Variants in PRDM16 observed in about 807,000 individuals in gnomAD.
PRDM16 encodes histone-lysine N-methyltransferase PRDM16.
PRDM16 carries 23 observed loss-of-function variants against 110.6 expected under a neutral mutation model. The observed-to-expected ratio is 0.21, with a 90% CI of 0.15 to 0.29. The LOEUF is 0.29. Ranked by LOEUF, PRDM16 falls within the 10% of genes least tolerant of loss-of-function variation. The pLI is 1.00. For missense variants in PRDM16, 1,615 were observed against 1,794.3 expected, an observed-to-expected ratio of 0.90 and a Z score of 1.81; for synonymous variants, 799 against 781.8, an observed-to-expected ratio of 1.02 and a Z score of -0.37.
chr1:3,200,346 T>C (rs894976835), intron 2 of PRDM16, among the ~76,000 whole-genome samples: 1 of 152,072 alleles, frequency 6.6e-6, no homozygotes, highest in African/African-American at 2.4e-5. Flanking sequence ...ATTTTTTTTT[T>C]ATTTTTTATT....
chr1:3,359,348 G>A lies in PRDM16; in HGVS notation c.439-25804G>A, dbSNP rs1368794910. Among the ~76,000 whole-genome samples the A allele has an allele frequency of 6.6e-6, 1 of 152,214 alleles. No homozygotes were observed. The highest frequency in any genetic ancestry group is 1.5e-5 in the Non-Finnish European group (1 of 68,040). ...CTGGATGTCAATGTCCATGAAAACA[G>A]CCTCAGAACTATCAGGGTCTCCCTT... On this transcript the variant is annotated intron_variant, in intron 3 of 16. Transcript: ENST00000270722. This position sits in a 1 kb window ranked among gnomAD's most constrained non-coding sequence, Gnocchi z 4.3.
intron 1 of PRDM16, among the ~76,000 whole-genome samples, chr1:3,125,137 G>A (rs904555772): frequency 2.0e-5 from 3 of 152,270 alleles, no homozygotes; most frequent in Non-Finnish European, 4.4e-5. Context: ...CTAAGGCACA[G>A]TCACCAGCCA....
At chr1:3,104,889 G>A (rs1199081676) in intron 1 of PRDM16, among the ~76,000 whole-genome samples, 1 of 152,180 alleles carries the variant, frequency 6.6e-6, no homozygotes, top group Non-Finnish European at 1.5e-5. Context: ...CTGAACACAT[G>A]CATGAGAGGT....
chr1:3,417,907 C>T lies in PRDM16; in HGVS notation c.2771C>T (p.Pro924Leu). ...MKADSGSSLQ[P>L]LPHHPFNFRS... ...GCGGACTCGGGCAGCTCCCTGCAGC[C>T]CCTCCCCCACCACCCCTTCAACTTC... is the stretch of plus-strand genomic sequence containing the variant. The change falls in exon 11 of 17, where the codon CCC becomes CTC. Residue 924 changes from proline (P) to leucine (L), a missense_variant. Pro to Leu is a moderately conservative substitution (Grantham distance 98, BLOSUM62 -3). This residue lies in a region of PRDM16 where 772 missense variants were observed against 748.3 expected (regional missense o/e 1.03). Coordinates refer to ENST00000270722, the MANE Select transcript of PRDM16 (RefSeq NM_022114.4). 2 of 1,612,650 alleles carry T rather than the reference C, an allele frequency of 1.2e-6. No homozygotes were observed. The highest frequency in any genetic ancestry group is 1.7e-6 in the Non-Finnish European group (2 of 1,179,054).
At chr1:3,313,485 C>G (rs1044127317) in intron 3 of PRDM16, among the ~76,000 whole-genome samples, 3 of 152,222 alleles carry the variant, frequency 2.0e-5, no homozygotes, top group African/African-American at 7.2e-5. Flanking sequence ...CGTCCCCACC[C>G]CCACAGGCAT....
At chr1:3,400,971 A>AGG (rs1557653573) in intron 5 of PRDM16, among the ~76,000 whole-genome samples, 2 of 152,078 alleles carry the variant, frequency 1.3e-5, no homozygotes, top group Non-Finnish European at 2.9e-5. Context: ...TTGGTTGGCA[A>AGG]GGGGTGGGTG....
chr1:3,075,870 A>G (rs1641886868), intron 1 of PRDM16, among the ~76,000 whole-genome samples: 1 of 152,188 alleles, frequency 6.6e-6, no homozygotes, highest in South Asian at 2.1e-4. Context: ...CTCATCTGCG[A>G]TCCACCTCGG....
At chr1:3,347,966 T>G (rs1239828014) in intron 3 of PRDM16, among the ~76,000 whole-genome samples, 1 of 151,434 alleles carries the variant, frequency 6.6e-6, no homozygotes, top group East Asian at 2.0e-4. Flanking sequence ...CTGAGTTCCG[T>G]GAGCCTCTGG....
rs1643720421 is a variant in PRDM16, at chr1:3,148,581, C to G, written c.38-37544C>G. Among the ~76,000 whole-genome samples the G allele has an allele frequency of 6.6e-6, 1 of 152,210 alleles. No individual in the cohort carries two copies. Among genetic ancestry groups the G allele is most frequent in the African/African-American group, 2.4e-5 (1 of 41,456 alleles). ...CAGGATTTTACAATCCAGGAGATGT[C>G]AACTCCTTGCTGGGACCTCCTTGAC... On this transcript the variant is annotated intron_variant, in intron 1 of 16. Transcript: ENST00000270722. The surrounding 1 kb of genome is among the most constrained non-coding windows in gnomAD (Gnocchi z 5.0).
chr1:3,426,329 A>G, intron 14 of PRDM16, 104 bp downstream of exon 14: 1 of 893,734 alleles, frequency 1.1e-6, no homozygotes, highest in Non-Finnish European at 1.7e-6. Flanking sequence ...AGCCCCTAAC[A>G]CATCCAGATA....
chr1:3,137,564 G>A (rs943802599), intron 1 of PRDM16, among the ~76,000 whole-genome samples: 26 of 152,222 alleles, frequency 1.7e-4, no homozygotes, highest in Non-Finnish European at 3.4e-4. Context: ...CCGAAGAACC[G>A]TCCAGGAGGA....
chr1:3,188,065 C>T (rs996593245), intron 2 of PRDM16, among the ~76,000 whole-genome samples: 3 of 152,144 alleles, frequency 2.0e-5, no homozygotes, highest in Admixed American at 6.5e-5. Context: ...TCGAAGACCT[C>T]AGTGGAGACA....
At chr1:3,313,301 G>A (rs939542313) in intron 3 of PRDM16, among the ~76,000 whole-genome samples, 1 of 152,236 alleles carries the variant, frequency 6.6e-6, no homozygotes, top group African/African-American at 2.4e-5. Flanking sequence ...CCGTCACGAT[G>A]AGTCAGCGCC....
chr1:3,217,204 G>A (rs984718264), intron 2 of PRDM16, among the ~76,000 whole-genome samples: 1 of 152,272 alleles, frequency 6.6e-6, no homozygotes, highest in Non-Finnish European at 1.5e-5. Flanking sequence ...TTGATCGGCA[G>A]TGATTTCTCT....
chr1:3,262,896 T>G (rs7528108), intron 3 of PRDM16, among the ~76,000 whole-genome samples: 34,781 of 151,626 alleles, frequency 0.23, 5,087 homozygotes, highest in African/African-American at 0.39. Flanking sequence ...ACACCTGCGG[T>G]GTGCTGCCGC....
At chr1:3,420,085 G>A (rs191228313) in intron 12 of PRDM16, among the ~76,000 whole-genome samples, 1 of 152,200 alleles carries the variant, frequency 6.6e-6, no homozygotes, top group East Asian at 1.9e-4. Flanking sequence ...GCCCCTAGAG[G>A]GTCGGGGTGG....
chr1:3,096,878 TG>T (rs896683125), intron 1 of PRDM16, among the ~76,000 whole-genome samples: 1 of 152,178 alleles, frequency 6.6e-6, no homozygotes, highest in Non-Finnish European at 1.5e-5. Flanking sequence ...GACAGCTCCG[TG>T]GTTTCTAGGA....
Position 3,095,172 on chromosome 1 carries a change from G to C in PRDM16, c.37+25876G>C, listed in dbSNP as rs565036203. ...CCCTCTCCAGCTCAGTGCGTGAAAA[G>C]CCAGGCTGGAGCTCCACCTCCCCAA... is the stretch of plus-strand genomic sequence containing the variant. On this transcript the variant is annotated intron_variant, in intron 1 of 16. Coordinates refer to ENST00000270722, the MANE Select transcript of PRDM16 (RefSeq NM_022114.4). Among the ~76,000 whole-genome samples the C allele has an allele frequency of 2.0e-5, 3 of 152,312 alleles. No homozygotes were observed. The East Asian group carries it at 5.8e-4, about 29-fold the overall frequency.
rs1264773178 is a variant in PRDM16 at position 3,438,196 on chromosome 1, CT to C, written c.*4386del. On this transcript the variant is annotated 3_prime_UTR_variant, in exon 17 of 17. Coordinates refer to ENST00000270722, the MANE Select transcript of PRDM16 (RefSeq NM_022114.4). ...TGCTTCTGTTCTGTTTATAAGTAAA[CT>C]GTGCATGACTCCTGCTTAGCGGTCA... The C allele has an allele frequency of 4.9e-6, 1 of 204,162 alleles. No individual in the cohort carries two copies. The highest frequency in any genetic ancestry group is 1.0e-5 in the Non-Finnish European group (1 of 99,764). The allele number at this position is 204,162 out of a possible 1,614,324, so 12.6% of individuals were successfully genotyped here. A position where few individuals can be genotyped will look rare whatever the true frequency, so the allele number is the denominator to read the frequency against.
Sources: gnomAD v4.1 joint callset for allele counts (sites outside exome capture counted in the v4.1 genomes callset) on GRCh38, gnomAD v4.1.1 for gene constraint, gnomAD v4.1.1 regional missense constraint, Gnocchi (gnomAD v3.1) non-coding constraint, MANE v1.5 for transcripts, NCBI Gene and HGNC (gene_info 2026-07-23, HGNC 2026-07-21) for gene names.